The following ATP8A2 variants were observed in gnomAD, a reference collection of about 807,000 sequenced individuals.
ATP8A2 encodes the protein ATPase phospholipid transporting 8A2.
In ATP8A2, 100 loss-of-function variants were observed where a neutral mutation model predicts 165.6. That is an observed-to-expected ratio of 0.60 (90% CI 0.51 to 0.71). The LOEUF (loss-of-function observed/expected upper bound fraction) is 0.71. ATP8A2 is among the 30% of genes least tolerant of loss of function. The pLI is 0.00. For synonymous variants in ATP8A2, 543 were observed against 548.8 expected, an observed-to-expected ratio of 0.99 and a Z score of 0.15; for missense variants, 1,227 against 1,479.5, an observed-to-expected ratio of 0.83 and a Z score of 2.80.
At chr13:25,860,945 A>G in intron 32 of ATP8A2, 85 bp downstream of exon 32, 1 of 907,782 alleles carries the variant, frequency 1.1e-6, no homozygotes, top group Non-Finnish European at 1.8e-6. Flanking sequence ...GGAAACCATA[A>G]GCAATATCTG....
chr13:25,895,801 A>G (rs1953524056), intron 33 of ATP8A2, among the ~76,000 whole-genome samples: 1 of 152,026 alleles, frequency 6.6e-6, no homozygotes, highest in Non-Finnish European at 1.5e-5. Flanking sequence ...TTTCTTCTAG[A>G]TTTTCTAGTT....
chr13:25,475,513 T>C (rs146718291), intron 2 of ATP8A2, among the ~76,000 whole-genome samples: 15 of 152,374 alleles, frequency 9.8e-5, no homozygotes, highest in African/African-American at 3.4e-4. Context: ...GTAGGACTTA[T>C]GTTCCTCTTG....
chr13:25,811,188 A>G (rs146615534), intron 27 of ATP8A2, among the ~76,000 whole-genome samples: 30 of 152,306 alleles, frequency 2.0e-4, no homozygotes, highest in African/African-American at 5.5e-4. Context: ...ATGTAATCAC[A>G]TGATTTAAAA....
intron 30 of ATP8A2, among the ~76,000 whole-genome samples, chr13:25,845,419 A>G (rs1056872066): frequency 6.6e-6 from 1 of 152,132 alleles, no homozygotes; most frequent in African/African-American, 2.4e-5. Context: ...TGGGAAAGAG[A>G]CTATGCTTAA....
chr13:25,771,653 CCAG>C (rs1303055765), intron 26 of ATP8A2, among the ~76,000 whole-genome samples: 1 of 152,162 alleles, frequency 6.6e-6, no homozygotes, highest in Non-Finnish European at 1.5e-5. Context: ...TCTTGCCCCT[CCAG>C]CATCATAGTC....
intron 24 of ATP8A2, among the ~76,000 whole-genome samples, chr13:25,599,423 G>GT (rs2040323430): frequency 6.6e-6 from 1 of 152,186 alleles, no homozygotes; most frequent in African/African-American, 2.4e-5. Context: ...TTGTCTTCCT[G>GT]TGTTGCCTGT....
At chr13:25,455,895 G>T (rs1235175281) in intron 1 of ATP8A2, among the ~76,000 whole-genome samples, 2 of 152,032 alleles carry the variant, frequency 1.3e-5, no homozygotes, top group African/African-American at 2.4e-5. Context: ...GTTATAGTTG[G>T]TCTATCAAAA....
intron 25 of ATP8A2, among the ~76,000 whole-genome samples, chr13:25,762,159 C>A (rs1414759422): frequency 6.8e-6 from 1 of 147,516 alleles, no homozygotes; most frequent in Non-Finnish European, 1.5e-5. Context: ...ATCCCAGCTA[C>A]TTGGGAGGCT....
chr13:25,699,434 G>A (rs1455027833), intron 25 of ATP8A2, 89 bp downstream of exon 25: 4 of 1,061,474 alleles, frequency 3.8e-6, no homozygotes, highest in East Asian at 2.9e-5. Flanking sequence ...GGGAATTCTA[G>A]GTTTAAAGTT....
intron 25 of ATP8A2, among the ~76,000 whole-genome samples, chr13:25,731,005 T>C (rs930543414): frequency 1.3e-5 from 2 of 151,674 alleles, no homozygotes; most frequent in Non-Finnish European, 2.9e-5. Context: ...ACCTGGGTTG[T>C]TGAAGCTGTA....
At chr13:25,613,586 A>C (rs1344367593) in intron 24 of ATP8A2, among the ~76,000 whole-genome samples, 2 of 152,140 alleles carry the variant, frequency 1.3e-5, no homozygotes, top group Non-Finnish European at 2.9e-5. Context: ...AAAACAAAAC[A>C]AAAAAACAAA....
chr13:25,546,808 A>G (rs2038665351), intron 10 of ATP8A2, among the ~76,000 whole-genome samples: 1 of 152,142 alleles, frequency 6.6e-6, no homozygotes, highest in South Asian at 2.1e-4. Flanking sequence ...CTAGTAACCC[A>G]AGCTTACAAA....
At chr13:25,853,403 A>G (rs1033879197) in intron 30 of ATP8A2, among the ~76,000 whole-genome samples, 4 of 97,294 alleles carry the variant, frequency 4.1e-5, no homozygotes, top group African/African-American at 1.4e-4. Flanking sequence ...AAAAATATAT[A>G]TATATATGTA....
chr13:25,492,198 C>T (rs1016037682), intron 2 of ATP8A2, among the ~76,000 whole-genome samples: 22 of 151,930 alleles, frequency 1.4e-4, no homozygotes, highest in East Asian at 3.9e-4. Flanking sequence ...CTGGGTTTAC[C>T]GGCACCTGCC....
Position 26,005,734 on chromosome 13 carries a change from A to G in ATP8A2, c.3378-6797A>G, listed in dbSNP as rs77905078. On this transcript the variant is annotated intron_variant, in intron 35 of 36. Transcript: ENST00000381655. ...CCAATTCCATTGTTTGGCATGTAGA[A>G]ATCTAGTTGTCCCAGCACCATTTGC... Among the ~76,000 whole-genome samples the G allele has an allele frequency of 6.2e-3, 947 of 152,086 alleles. 5 individuals are homozygous for G. The highest frequency in any genetic ancestry group is 0.027 in the Middle Eastern group (8 of 294).
At chr13:25,531,410 T>TA (rs1566230365) in intron 4 of ATP8A2, among the ~76,000 whole-genome samples, 4 of 58,964 alleles carry the variant, frequency 6.8e-5, no homozygotes, top group African/African-American at 2.3e-4. Flanking sequence ...ATATATATGA[T>TA]TATATATATG....
chr13:25,961,807 A>C, intron 34 of ATP8A2, 144 bp downstream of exon 34: 1 of 637,336 alleles, frequency 1.6e-6, no homozygotes. Flanking sequence ...AATGAAAAAA[A>C]AATTTTTTTA....
chr13:25,724,850 A>G (rs1264114672), intron 25 of ATP8A2, among the ~76,000 whole-genome samples: 1 of 152,234 alleles, frequency 6.6e-6, no homozygotes, highest in Non-Finnish European at 1.5e-5. Context: ...AACAATCAGT[A>G]TAAAGTCTAG....
At chr13:25,752,432 G>A (rs538363853) in intron 25 of ATP8A2, among the ~76,000 whole-genome samples, 202 of 152,046 alleles carry the variant, frequency 1.3e-3, no homozygotes, top group African/African-American at 4.6e-3. Context: ...CACTCCAGCC[G>A]GGGCGACAGA....
Sources: allele counts gnomAD v4.1 joint callset (sites outside exome capture counted in the v4.1 genomes callset), GRCh38; gene constraint gnomAD v4.1.1; transcripts MANE v1.5; gene names NCBI Gene and HGNC (gene_info 2026-07-23, HGNC 2026-07-21).